Variants in SLC26A9 observed in about 807,000 individuals in gnomAD.
SLC26A9 encodes the protein solute carrier family 26 member 9.
Under a neutral mutation model 87.1 loss-of-function variants are expected in SLC26A9, and 46 were observed. The observed-to-expected ratio is 0.53, with a 90% CI of 0.42 to 0.67. The LOEUF is 0.67. Among genes scored for constraint, SLC26A9 ranks in the 30% least tolerant of loss-of-function variants. The pLI, the probability that SLC26A9 is intolerant of heterozygous loss-of-function variation, is 0.00. For synonymous variants in SLC26A9, 437 were observed against 409.1 expected, an observed-to-expected ratio of 1.07 and a Z score of -0.82; for missense variants, 927 against 1,018.3, an observed-to-expected ratio of 0.91 and a Z score of 1.22.
intron 12 of SLC26A9, among the ~76,000 whole-genome samples, 161 bp downstream of exon 12, chr1:205,926,374 A>G (rs1200608960): frequency 1.3e-5 from 2 of 152,214 alleles, no homozygotes; most frequent in Non-Finnish European, 2.9e-5. Flanking sequence ...GTTTGAACAT[A>G]GGATGTTTCA....
Position 205,917,275 on chromosome 1 carries a change from CA to C in SLC26A9, c.2328+7del. 1 of 1,613,968 alleles carries C rather than the reference CA, an allele frequency of 6.2e-7. No individual in the cohort carries two copies. Among genetic ancestry groups the C allele is most frequent in the Non-Finnish European group, 8.5e-7 (1 of 1,179,952 alleles). ...CTCCCACCCTCACAGCCCCTTCCCT[CA>C]GCTCACCTGCTCTAAGTCCCAGTAG... On this transcript the variant is annotated splice_region_variant and intron_variant, in intron 20 of 20. Coordinates refer to ENST00000367135, the MANE Select transcript of SLC26A9 (RefSeq NM_052934.4).
chr1:205,927,338 C>G (rs1160469172), intron 10 of SLC26A9, 50 bp from the exon 11 acceptor site: 1 of 1,604,924 alleles, frequency 6.2e-7, no homozygotes, highest in African/African-American at 1.3e-5. Context: ...AATTTTTGCT[C>G]TTGATTTACT....
chr1:205,927,546 A>T lies in SLC26A9; in HGVS notation c.1161T>A (p.Ile387=), dbSNP rs967768158. The change falls in exon 10 of 21, where the codon ATT becomes ATA. Residue 387 remains isoleucine, a synonymous_variant. Transcript: ENST00000367135. The part of the protein sequence containing the change: ...FFGSFFKIHV[I]CCALSVTLAV... ...CCAGAGTGACAGAAAGCGCACAGCA[A>T]ATGACATGAATTTTAAAGAAGGAGC... 1.2e-6 allele frequency: 2 copies of T among 1,614,114 alleles called. No homozygotes were observed. The highest frequency in any genetic ancestry group is 3.3e-5 in the Admixed American group (2 of 60,012).
In SLC26A9 at chr1:205,923,416, G is replaced by T; in HGVS notation, c.1578C>A (p.Ile526=). 1.1e-5 allele frequency: 18 copies of T among 1,614,190 alleles called. No homozygotes were observed. Among genetic ancestry groups the T allele is most frequent in the Non-Finnish European group, 1.5e-5 (18 of 1,180,046 alleles). Residue 526 remains isoleucine (I), a synonymous_variant, in exon 15 of 21, where the codon ATC becomes ATA. Coordinates refer to ENST00000367135, the MANE Select transcript of SLC26A9 (RefSeq NM_052934.4). ...NPKTYNRAQD[I]QGIKIITYCS... ...AGTACGTGATGATTTTAATCCCCTG[G>T]ATATCCTGGGCCTGTGACAGGGAGA... is the stretch of plus-strand genomic sequence containing the variant.
chr1:205,928,979 C>T, intron 7 of SLC26A9, 70 bp from the exon 8 acceptor site: 3 of 1,570,750 alleles, frequency 1.9e-6, no homozygotes, highest in Middle Eastern at 1.9e-4. Context: ...TCTCTCAAGT[C>T]TCCCTTTTCT....
rs771479109 is a variant in SLC26A9, at chr1:205,942,103, C to T, written c.-19+1262G>A. Reference sequence around the variant, plus strand: ...CGGGGGTCAGTCTGGCTGTTTAGTACGGTTTAAGAGGCACTCTTGAATACT... The same window carrying T: ...CGGGGGTCAGTCTGGCTGTTTAGTATGGTTTAAGAGGCACTCTTGAATACT... On this transcript the variant is annotated intron_variant, in intron 1 of 20. Transcript: ENST00000367135. 6.0e-4 allele frequency among the ~76,000 whole-genome samples: 92 copies of T among 152,298 alleles called. 1 individual carries two copies. Among genetic ancestry groups the T allele is most frequent in the Middle Eastern group, 3.4e-3 (1 of 294 alleles).
intron 16 of SLC26A9, 82 bp from the exon 17 acceptor site, chr1:205,921,929 G>A: frequency 1.3e-6 from 2 of 1,494,498 alleles, no homozygotes; most frequent in Non-Finnish European, 9.0e-7. Context: ...GGGGCATGGA[G>A]GGTGTAGGTG....
In SLC26A9 at chr1:205,918,929, A is replaced by C; in HGVS notation, c.2167T>G (p.Cys723Gly). The change falls in exon 19 of 21, where the codon TGC becomes GGC. Residue 723 changes from cysteine to glycine, a missense_variant. Transcript: ENST00000367135. Reference protein sequence around the residue: ...GGVFEDGSLECKHVFPSIHDA... With the variant: ...GGVFEDGSLEGKHVFPSIHDA... The stretch of plus-strand genomic sequence containing the variant: ...TGTATGCTGGGAAAGACGTGCTTGC[A>C]TTCTAGACTCCCATCCTCAAAGACG... 6.2e-7 allele frequency: 1 copy of C among 1,614,216 alleles called. No homozygotes were observed. The highest frequency in any genetic ancestry group is 2.2e-5 in the East Asian group (1 of 44,884).
Position 205,924,433 on chromosome 1 carries a change from C to T in SLC26A9, c.1446G>A (p.Val482=). 6.2e-7 allele frequency: 1 copy of T among 1,614,206 alleles called. No individual in the cohort carries two copies. Among genetic ancestry groups the T allele is most frequent in the Non-Finnish European group, 8.5e-7 (1 of 1,180,036 alleles). Residue 482 remains valine (V), a synonymous_variant, in exon 13 of 21, where the codon GTG becomes GTA. Coordinates refer to ENST00000367135, the MANE Select transcript of SLC26A9 (RefSeq NM_052934.4). ...SSFFLSLPYG[V]AVGVAFSVLV... is the part of the protein sequence containing the mutation. The stretch of plus-strand genomic sequence containing the variant: ...GGACGGAGAAGGCGACACCCACTGC[C>T]ACACCATAGGGCAGGCTGAGGAAGA...
At position 205,914,979 on chromosome 1, in the gene SLC26A9, G is replaced by A; in HGVS notation, c.*378C>T. On this transcript the variant is annotated 3_prime_UTR_variant, in exon 21 of 21. Transcript: ENST00000367135. Reference sequence around the variant, plus strand: ...GAAGCTTGTACAGCAGGCCAGCACAGTTGTACTTGTCCTTCTGTTTTTGGC... The same window carrying A: ...GAAGCTTGTACAGCAGGCCAGCACAATTGTACTTGTCCTTCTGTTTTTGGC... 2 of 1,614,234 alleles carry A rather than the reference G, an allele frequency of 1.2e-6. No individual in the cohort carries two copies. The highest frequency in any genetic ancestry group is 8.5e-7 in the Non-Finnish European group (1 of 1,180,040).
intron 5 of SLC26A9, among the ~76,000 whole-genome samples, chr1:205,931,058 G>A (rs1239064273): frequency 6.6e-6 from 1 of 152,202 alleles, no homozygotes; most frequent in East Asian, 1.9e-4. Context: ...GAATGAATGA[G>A]TGAATGAAAA....
intron 17 of SLC26A9, among the ~76,000 whole-genome samples, chr1:205,920,775 G>A (rs540405003): frequency 5.3e-5 from 8 of 152,354 alleles, no homozygotes; most frequent in African/African-American, 1.7e-4. Flanking sequence ...TGGGATTACA[G>A]GAGTGAGCCA....
At chr1:205,943,216 C>G (rs1405230510) in intron 1 of SLC26A9, 149 bp downstream of exon 1, 2 of 152,246 alleles carry the variant, frequency 1.3e-5, no homozygotes, top group East Asian at 3.9e-4. Flanking sequence ...GGAGGCTGCT[C>G]TCAGACTCCA....
At chr1:205,935,208 C>T (rs1020012043) in intron 2 of SLC26A9, 1 of 152,958 alleles carries the variant, frequency 6.5e-6, no homozygotes, top group African/African-American at 2.4e-5. Flanking sequence ...TAGGTCCCCT[C>T]AGGAAAGTTC....
In SLC26A9 at chr1:205,923,340, C is replaced by A; in HGVS notation, c.1654G>T (p.Ala552Ser). 6.2e-7 allele frequency: 1 copy of A among 1,614,038 alleles called. No homozygotes were observed. The highest frequency in any genetic ancestry group is 8.5e-7 in the Non-Finnish European group (1 of 1,179,972). The change falls in exon 15 of 21, where the codon GCC becomes TCC. Residue 552 changes from alanine to serine, a missense_variant. Ala to Ser is a moderately conservative substitution (Grantham distance 99, BLOSUM62 1). Transcript: ENST00000367135. ...CGCCAGGGACTGAGCCTTACCTTGG[C>A]GATGACCTTTTGCCTGAAGATCTCT... ...NSEIFRQKVI[A>S]KTGMDPQKVL...
rs1658706685 is a variant in SLC26A9, at chr1:205,918,897, T to C, written c.2199A>G (p.Ala733=). 1.2e-6 allele frequency: 2 copies of C among 1,614,114 alleles called. No homozygotes were observed. Among genetic ancestry groups the C allele is most frequent in the Admixed American group, 1.7e-5 (1 of 60,006 alleles). Residue 733 remains alanine, a synonymous_variant, in exon 19 of 21, where the codon GCA becomes GCG. Transcript: ENST00000367135. The part of the protein sequence containing the change: ...CKHVFPSIHD[A]VLFAQANARD... Reference sequence around the variant, plus strand: ...TAGCATTTGCCTGGGCAAAGAGGACTGCGTCATGTATGCTGGGAAAGACGT... The same window carrying C: ...TAGCATTTGCCTGGGCAAAGAGGACCGCGTCATGTATGCTGGGAAAGACGT...
Position 205,914,306 on chromosome 1 carries a change from G to A in SLC26A9, c.*1051C>T, listed in dbSNP as rs1229813567. ...CTGGGCCACAGGCTGATAAGGAAGA[G>A]TTAACATGATTGGCTCTTTGCCAGG... On this transcript the variant is annotated 3_prime_UTR_variant, in exon 21 of 21. Coordinates refer to ENST00000367135, the MANE Select transcript of SLC26A9 (RefSeq NM_052934.4). 3 of 153,164 alleles carry A rather than the reference G, an allele frequency of 2.0e-5. No homozygotes were observed. Among genetic ancestry groups the A allele is most frequent in the African/African-American group, 4.8e-5 (2 of 41,468 alleles). 9.5% of individuals were successfully genotyped at this position (153,164 alleles called of 1,614,324 possible). A position where few individuals can be genotyped will look rare whatever the true frequency, so the allele number is the denominator to read the frequency against.
At chr1:205,915,821 C>T (rs922676008) in intron 20 of SLC26A9, among the ~76,000 whole-genome samples, 11 of 152,148 alleles carry the variant, frequency 7.2e-5, no homozygotes, top group South Asian at 4.2e-4. Flanking sequence ...AAGAGGGCAC[C>T]GAAATCAGTC....
chr1:205,928,983 C>T (rs1025884254), intron 7 of SLC26A9, 74 bp from the exon 8 acceptor site: 2 of 1,571,078 alleles, frequency 1.3e-6, no homozygotes, highest in Admixed American at 1.7e-5. Context: ...TCAAGTCTCC[C>T]TTTTCTCTGG....
Sources: gnomAD v4.1 joint callset for allele counts (sites outside exome capture counted in the v4.1 genomes callset) on GRCh38, gnomAD v4.1.1 for gene constraint, MANE v1.5 for transcripts, NCBI Gene and HGNC (gene_info 2026-07-23, HGNC 2026-07-21) for gene names.